Variants in VPS41 observed in about 807,000 individuals in gnomAD.
The protein encoded by VPS41 is VPS41 subunit of HOPS complex.
In VPS41, 85 loss-of-function variants were observed where a neutral mutation model predicts 130.9. The ratio of observed to expected loss-of-function variants is 0.65; its 90% CI spans 0.55 to 0.78. VPS41 has a LOEUF of 0.78. Ranked by LOEUF, VPS41 falls within the 30% of genes least tolerant of loss-of-function variation. The probability of loss-of-function intolerance (pLI) is 0.00; values close to 1 mark genes in which losing one functional copy is unlikely to be tolerated. For synonymous variants in VPS41, 335 were observed against 332.9 expected, an observed-to-expected ratio of 1.01 and a Z score of -0.07; for missense variants, 874 against 1,018.7, an observed-to-expected ratio of 0.86 and a Z score of 1.93.
chr7:38,867,320 T>A (rs1009452029), intron 3 of VPS41, among the ~76,000 whole-genome samples: 2 of 151,192 alleles, frequency 1.3e-5, no homozygotes, highest in African/African-American at 4.9e-5. Flanking sequence ...CTGAGGCGGG[T>A]GGATCACCTG....
intron 2 of VPS41, among the ~76,000 whole-genome samples, chr7:38,883,935 T>G (rs1287468886): frequency 6.6e-6 from 1 of 152,220 alleles, no homozygotes; most frequent in East Asian, 1.9e-4. Flanking sequence ...TAATAGCTCA[T>G]TAAATGAAAG....
At chr7:38,781,509 T>C (rs1784354167) in intron 10 of VPS41, among the ~76,000 whole-genome samples, 1 of 152,248 alleles carries the variant, frequency 6.6e-6, no homozygotes, top group Non-Finnish European at 1.5e-5. Flanking sequence ...TGCATTTTCA[T>C]GAAATTTTTC....
intron 2 of VPS41, among the ~76,000 whole-genome samples, chr7:38,896,120 T>A (rs3801115): frequency 0.26 from 39,148 of 152,142 alleles, 6,446 homozygotes; most frequent in Non-Finnish European, 0.38. Flanking sequence ...GTTGAGCTGT[T>A]TAGTATTTGG....
At chr7:38,781,929 A>G (rs1784361487) in intron 10 of VPS41, among the ~76,000 whole-genome samples, 1 of 152,090 alleles carries the variant, frequency 6.6e-6, no homozygotes, top group Non-Finnish European at 1.5e-5. Flanking sequence ...TCTGCTTCTT[A>G]CTCACTTTTT....
intron 25 of VPS41, among the ~76,000 whole-genome samples, chr7:38,730,987 C>T (rs1448223911): frequency 2.6e-5 from 4 of 152,140 alleles, no homozygotes; most frequent in South Asian, 2.1e-4. Context: ...ACAATCTGTC[C>T]GCCTGCAGAT....
At chr7:38,853,666 T>C (rs1305105490) in intron 4 of VPS41, among the ~76,000 whole-genome samples, 1 of 152,184 alleles carries the variant, frequency 6.6e-6, no homozygotes, top group Non-Finnish European at 1.5e-5. Context: ...TACCCTGTAC[T>C]GAAGAATGAA....
intron 17 of VPS41, 134 bp downstream of exon 17, chr7:38,763,321 A>T: frequency 2.0e-6 from 1 of 498,814 alleles, no homozygotes; most frequent in Non-Finnish European, 3.4e-6. Context: ...GAGTTTCTCT[A>T]GCTCAGTTTC....
intron 1 of VPS41, among the ~76,000 whole-genome samples, chr7:38,901,303 T>G (rs1474884389): frequency 6.6e-6 from 1 of 152,192 alleles, no homozygotes; most frequent in Non-Finnish European, 1.5e-5. Flanking sequence ...ACATTTGTGT[T>G]GCTCTAAAGG....
chr7:38,822,331 T>C (rs1248621746), intron 5 of VPS41, among the ~76,000 whole-genome samples: 1 of 152,216 alleles, frequency 6.6e-6, no homozygotes, highest in Non-Finnish European at 1.5e-5. Flanking sequence ...TTGTTTCCCT[T>C]TCCAGTAAAT....
intron 7 of VPS41, among the ~76,000 whole-genome samples, chr7:38,810,271 T>G (rs1784917913): frequency 6.6e-6 from 1 of 152,206 alleles, no homozygotes; most frequent in Non-Finnish European, 1.5e-5. Context: ...CTCCTAGTCC[T>G]AGTCCCTGGT....
chr7:38,901,218 G>A (rs1220603225), intron 1 of VPS41, among the ~76,000 whole-genome samples: 1 of 152,226 alleles, frequency 6.6e-6, no homozygotes, highest in African/African-American at 2.4e-5. Context: ...GTAGTGGGGA[G>A]TTACTGTTAA....
At chr7:38,784,796 T>C (rs565100468) in intron 10 of VPS41, among the ~76,000 whole-genome samples, 10 of 152,274 alleles carry the variant, frequency 6.6e-5, no homozygotes, top group South Asian at 6.2e-4. Flanking sequence ...GCCCCTCTCT[T>C]GAATTTGCAG....
chr7:38,894,228 C>T (rs768735351), intron 2 of VPS41, among the ~76,000 whole-genome samples: 115 of 152,216 alleles, frequency 7.6e-4, no homozygotes, highest in Middle Eastern at 3.4e-3. Flanking sequence ...AGTGGTGTCT[C>T]AAAATATCGC....
chr7:38,820,720 G>A (rs1785153300), intron 6 of VPS41, among the ~76,000 whole-genome samples: 1 of 152,108 alleles, frequency 6.6e-6, no homozygotes, highest in South Asian at 2.1e-4. Flanking sequence ...TGAACACAAG[G>A]TGAACTTTCT....
intron 7 of VPS41, among the ~76,000 whole-genome samples, chr7:38,809,474 T>C (rs895090417): frequency 6.6e-6 from 1 of 151,684 alleles, no homozygotes; most frequent in African/African-American, 2.4e-5. Flanking sequence ...TTAATAATAA[T>C]TTTTTAAATA....
At chr7:38,813,552 A>G (rs1415744469) in intron 7 of VPS41, among the ~76,000 whole-genome samples, 2 of 152,168 alleles carry the variant, frequency 1.3e-5, no homozygotes, top group Non-Finnish European at 2.9e-5. Context: ...AACTATTTTA[A>G]AACAGCTAAA....
In VPS41 at chr7:38,882,806, C is replaced by T. The variant is rs1410823166; in HGVS notation, c.61-13553G>A. Among the ~76,000 whole-genome samples, 3 of 152,166 alleles carry T rather than the reference C, an allele frequency of 2.0e-5. No individual in the cohort carries two copies. In the South Asian group the frequency reaches 6.2e-4, roughly 32 times the overall value. ...AACAAAAAGCAACTACAGCCTTCAT[C>T]GCCTCTAGCCCAGAGTTTTAACAAA... On this transcript the variant is annotated intron_variant, in intron 2 of 28. Transcript: ENST00000310301.
intron 10 of VPS41, among the ~76,000 whole-genome samples, chr7:38,783,533 CAA>C (rs553914032): frequency 7.1e-6 from 1 of 140,474 alleles, no homozygotes; most frequent in African/African-American, 2.6e-5. Flanking sequence ...AACTCTGTCT[CAA>C]AAAAAAAAAG....
chr7:38,765,613 T>G lies in VPS41; in HGVS notation c.1296A>C (p.Glu432Asp), dbSNP rs1307090836. ...GTCCAATTTCTTTAAATTTATAAAC[T>G]TCATATTCCCAGAGTGCTGCATTTT... ...LGKNAALWEY[E>D]VYKFKEIGQL... Residue 432 changes from glutamate (E) to aspartate (D), a missense_variant, in exon 16 of 29, where the codon GAA (glutamate) becomes GAC (aspartate). Physicochemically the swap from Glu to Asp is conservative, Grantham distance 45. Transcript: ENST00000310301. The G allele has an allele frequency of 6.2e-7, 1 of 1,603,014 alleles. No individual in the cohort carries two copies. The highest frequency in any genetic ancestry group is 8.5e-7 in the Non-Finnish European group (1 of 1,177,432).
Sources: gnomAD v4.1 joint callset for allele counts (sites outside exome capture counted in the v4.1 genomes callset) on GRCh38, gnomAD v4.1.1 for gene constraint, MANE v1.5 for transcripts, NCBI Gene and HGNC (gene_info 2026-07-23, HGNC 2026-07-21) for gene names.